The following CFAP299 variants were observed in gnomAD, a reference collection of about 807,000 sequenced individuals.
The protein encoded by CFAP299 is cilia- and flagella-associated protein 299.
In CFAP299, 21 loss-of-function variants were observed where a neutral mutation model predicts 27.0. The ratio of observed to expected loss-of-function variants is 0.78; its 90% CI spans 0.55 to 1.12. The LOEUF is 1.12. Among genes scored for constraint, CFAP299 ranks in the 50% most tolerant of loss-of-function variants. The pLI, the probability that CFAP299 is intolerant of heterozygous loss-of-function variation, is 0.00. For synonymous variants in CFAP299, 104 were observed against 98.1 expected, an observed-to-expected ratio of 1.06 and a Z score of -0.36; for missense variants, 310 against 276.6, an observed-to-expected ratio of 1.12 and a Z score of -0.86.
intron 3 of CFAP299, among the ~76,000 whole-genome samples, chr4:80,649,520 C>T (rs1411981257): frequency 1.3e-5 from 2 of 152,054 alleles, no homozygotes; most frequent in East Asian, 1.9e-4. Flanking sequence ...AATTTTATTT[C>T]ATTTTCTGGC....
chr4:80,850,042 TA>T (rs1731424475), intron 3 of CFAP299, among the ~76,000 whole-genome samples: 1 of 151,624 alleles, frequency 6.6e-6, no homozygotes, highest in Non-Finnish European at 1.5e-5. Flanking sequence ...ACTGAGGAGG[TA>T]AAAAAGTCAA....
chr4:80,372,004 T>C (rs1241434510), intron 2 of CFAP299, among the ~76,000 whole-genome samples: 1 of 152,182 alleles, frequency 6.6e-6, no homozygotes, highest in Non-Finnish European at 1.5e-5. Flanking sequence ...CTTGCATTGC[T>C]ATAAAGAAAT....
At chr4:80,882,761 A>G (rs79104920) in intron 4 of CFAP299, among the ~76,000 whole-genome samples, 7,552 of 152,252 alleles carry the variant, frequency 0.05, 277 homozygotes, top group East Asian at 0.15. Context: ...AAAATGAGAT[A>G]ATATATTCAA....
chr4:80,577,556 C>A (rs1199339480), intron 2 of CFAP299, among the ~76,000 whole-genome samples: 1 of 151,966 alleles, frequency 6.6e-6, no homozygotes, highest in Non-Finnish European at 1.5e-5. Context: ...GTGCATGCCA[C>A]CACCGCCAGC....
intron 4 of CFAP299, among the ~76,000 whole-genome samples, chr4:80,891,489 A>G (rs2110186590): frequency 6.7e-6 from 1 of 149,212 alleles, no homozygotes; most frequent in East Asian, 2.0e-4. Context: ...ATTGGAATCC[A>G]TCATTCTCAG....
intron 2 of CFAP299, among the ~76,000 whole-genome samples, chr4:80,473,298 G>GTGT: frequency 6.6e-6 from 1 of 152,110 alleles, no homozygotes; most frequent in Non-Finnish European, 1.5e-5. Context: ...ACAAGAGTAT[G>GTGT]TGTGAATTCC....
At chr4:80,730,809 C>T (rs1723477966) in intron 3 of CFAP299, among the ~76,000 whole-genome samples, 1 of 152,192 alleles carries the variant, frequency 6.6e-6, no homozygotes, top group East Asian at 1.9e-4. Context: ...CACTGTGCCT[C>T]TTTGCAATGC....
At position 80,822,161 on chromosome 4, in the gene CFAP299, G is replaced by A. The variant is rs538167216; in HGVS notation, c.334-47832G>A. On this transcript the variant is annotated intron_variant, in intron 3 of 5. Coordinates refer to ENST00000358105, the MANE Select transcript of CFAP299 (RefSeq NM_152770.3). ...ACTGAGCTTATTATTCCAGTTTTTC[G>A]GGATCCAACTTCTTATTTATTCATA... 5.3e-5 allele frequency among the ~76,000 whole-genome samples: 8 copies of A among 152,100 alleles called. No individual in the cohort carries two copies. The South Asian group carries it at 8.3e-4, about 16-fold the overall frequency.
chr4:80,624,483 G>A (rs1738777721), intron 3 of CFAP299, among the ~76,000 whole-genome samples: 1 of 151,792 alleles, frequency 6.6e-6, no homozygotes, highest in Non-Finnish European at 1.5e-5. Flanking sequence ...ATAAGCTTAT[G>A]AGATTTATGG....
intron 1 of CFAP299, among the ~76,000 whole-genome samples, chr4:80,354,916 G>T (rs1410086928): frequency 6.6e-6 from 1 of 151,994 alleles, no homozygotes; most frequent in African/African-American, 2.4e-5. Context: ...TTATCCAGTT[G>T]GTAATTAATG....
intron 3 of CFAP299, among the ~76,000 whole-genome samples, chr4:80,800,260 A>G (rs1470873786): frequency 1.4e-5 from 1 of 71,364 alleles, no homozygotes; most frequent in East Asian, 4.7e-4. Flanking sequence ...TATATATTAT[A>G]TAAATAAAAT....
intron 3 of CFAP299, among the ~76,000 whole-genome samples, chr4:80,861,797 T>C (rs1732385905): frequency 6.6e-6 from 1 of 152,194 alleles, no homozygotes. Context: ...GCACAATAGC[T>C]AATGGGTTAT....
chr4:80,396,116 A>T (rs73829277), intron 2 of CFAP299, among the ~76,000 whole-genome samples: 6,338 of 152,204 alleles, frequency 0.042, 411 homozygotes, highest in African/African-American at 0.14. Context: ...CAATTTGCTT[A>T]GTTGATAAAT....
intron 2 of CFAP299, among the ~76,000 whole-genome samples, chr4:80,527,790 A>G (rs976636617): frequency 6.6e-5 from 10 of 152,016 alleles, no homozygotes; most frequent in African/African-American, 2.4e-4. Context: ...ACATTGTATG[A>G]TTGAAAACAA....
At chr4:80,886,969 A>G (rs1244096893) in intron 4 of CFAP299, among the ~76,000 whole-genome samples, 1 of 152,114 alleles carries the variant, frequency 6.6e-6, no homozygotes, top group Admixed American at 6.5e-5. Context: ...TTAATACTAG[A>G]ATTGATCAAG....
At chr4:80,872,944 G>A (rs922875734) in intron 4 of CFAP299, 9 of 943,082 alleles carry the variant, frequency 9.5e-6, no homozygotes, top group Non-Finnish European at 1.1e-5. Context: ...CATTGATTTT[G>A]ATGGTCAGAA....
rs368508567 is a variant in CFAP299, at chr4:80,933,133, T to C, written c.477-11677T>C. Among the ~76,000 whole-genome samples the C allele has an allele frequency of 4.1e-3, 616 of 151,174 alleles. 1 individual carries two copies. The highest frequency in any genetic ancestry group is 0.014 in the Middle Eastern group (4 of 294). ...ACCATTTTCTTTCCTTCCTTCTTTC[T>C]TTTTCTTTCTTTCCTTTTCTTTCTT... On this transcript the variant is annotated intron_variant, in intron 4 of 5. Coordinates refer to ENST00000358105, the MANE Select transcript of CFAP299 (RefSeq NM_152770.3).
intron 3 of CFAP299, among the ~76,000 whole-genome samples, chr4:80,645,849 C>G (rs1461823228): frequency 6.6e-6 from 1 of 152,122 alleles, no homozygotes; most frequent in African/African-American, 2.4e-5. Context: ...CTTATTGCAC[C>G]TCTTCTCACA....
chr4:80,859,603 C>G (rs1419013523), intron 3 of CFAP299, among the ~76,000 whole-genome samples: 2 of 151,742 alleles, frequency 1.3e-5, no homozygotes, highest in African/African-American at 4.8e-5. Flanking sequence ...TAGGGCAGGC[C>G]TGGTGGTGAC....
Sources: allele counts gnomAD v4.1 joint callset (sites outside exome capture counted in the v4.1 genomes callset), GRCh38; gene constraint gnomAD v4.1.1; transcripts MANE v1.5; gene names NCBI Gene and HGNC (gene_info 2026-07-23, HGNC 2026-07-21).